CNTNAP5: variants seen among roughly 807,000 people sequenced by gnomAD.
The protein encoded by CNTNAP5 is contactin-associated protein-like 5.
A neutral mutation model predicts 150.2 loss-of-function variants in CNTNAP5; 72 were observed. The ratio of observed to expected loss-of-function variants is 0.48; its 90% CI spans 0.40 to 0.58. The LOEUF is 0.58. Ranked by LOEUF, CNTNAP5 falls within the 20% of genes least tolerant of loss-of-function variation. The pLI, the probability that CNTNAP5 is intolerant of heterozygous loss-of-function variation, is 0.00. For synonymous variants in CNTNAP5, 672 were observed against 619.8 expected (o/e 1.08, Z -1.25); for missense variants, 1,636 against 1,626.2 (o/e 1.01, Z -0.10).
At chr2:124,673,686 C>T (rs994361233) in intron 13 of CNTNAP5, among the ~76,000 whole-genome samples, 5 of 150,484 alleles carry the variant, frequency 3.3e-5, no homozygotes, top group African/African-American at 9.8e-5. Context: ...TTAATAATCA[C>T]GTATTATTTT....
At position 124,919,222 on chromosome 2, in the gene CNTNAP5, G is replaced by T. The variant is rs1289706320; in HGVS notation, c.*4934G>T. ...CATACATATCTGTTTGGTAGGGAGA[G>T]AAGCATTCCTCTTTTATGTTGACAA... On this transcript the variant is annotated 3_prime_UTR_variant, in exon 24 of 24. Coordinates refer to ENST00000682447, the MANE Select transcript of CNTNAP5 (RefSeq NM_001367498.1). Among the ~76,000 whole-genome samples, 1 of 152,064 alleles carries T rather than the reference G, an allele frequency of 6.6e-6. No individual in the cohort carries two copies. Among genetic ancestry groups the T allele is most frequent in the Non-Finnish European group, 1.5e-5 (1 of 68,012 alleles).
chr2:124,560,148 G>A (rs1038725163), intron 10 of CNTNAP5, among the ~76,000 whole-genome samples: 5 of 152,102 alleles, frequency 3.3e-5, no homozygotes, highest in African/African-American at 9.7e-5. Flanking sequence ...ATATTTCTTA[G>A]AGCTTTCCCC....
intron 3 of CNTNAP5, among the ~76,000 whole-genome samples, chr2:124,413,571 G>A (rs2104772775): frequency 7.4e-6 from 1 of 134,270 alleles, no homozygotes; most frequent in Middle Eastern, 3.5e-3. Context: ...ATGAGTTCAT[G>A]TCCTTTGTAG....
intron 6 of CNTNAP5, among the ~76,000 whole-genome samples, chr2:124,458,661 C>A (rs1693178081): frequency 6.6e-6 from 1 of 151,720 alleles, no homozygotes; most frequent in Non-Finnish European, 1.5e-5. Flanking sequence ...TCCCCAATAA[C>A]CTATGGAAAT....
chr2:124,367,957 A>T (rs1456461796), intron 3 of CNTNAP5, among the ~76,000 whole-genome samples: 1 of 152,174 alleles, frequency 6.6e-6, no homozygotes, highest in East Asian at 1.9e-4. Flanking sequence ...TATGTTGCAC[A>T]TGTGTGATGT....
At chr2:124,115,605 T>TA (rs1683408399) in intron 1 of CNTNAP5, among the ~76,000 whole-genome samples, 1 of 150,698 alleles carries the variant, frequency 6.6e-6, no homozygotes, top group African/African-American at 2.4e-5. Context: ...TTCTCTTCTG[T>TA]AAAACCAAGA....
rs116089251 is a variant in CNTNAP5, at chr2:124,891,824, C to T, written c.3437-11058C>T. Among the ~76,000 whole-genome samples the T allele has an allele frequency of 5.9e-3, 900 of 152,216 alleles. 14 individuals are homozygous for T. Among genetic ancestry groups the T allele is most frequent in the African/African-American group, 0.021 (858 of 41,558 alleles). On this transcript the variant is annotated intron_variant, in intron 21 of 23. Coordinates refer to ENST00000682447, the MANE Select transcript of CNTNAP5 (RefSeq NM_001367498.1). ...AGGAAGTAATATTCCCAATTAGAAACAGTACATTTCCTAGCCTCCATTGAG... is the reference window on the plus strand; with the variant it reads ...AGGAAGTAATATTCCCAATTAGAAATAGTACATTTCCTAGCCTCCATTGAG...
intron 1 of CNTNAP5, among the ~76,000 whole-genome samples, chr2:124,082,710 T>TAG (rs1682588002): frequency 1.3e-5 from 2 of 152,218 alleles, no homozygotes; most frequent in Non-Finnish European, 2.9e-5. Flanking sequence ...CATGTATACT[T>TAG]TTTAAATAAT....
intron 3 of CNTNAP5, among the ~76,000 whole-genome samples, chr2:124,270,772 T>C (rs1038111645): frequency 2.0e-5 from 3 of 151,958 alleles, no homozygotes; most frequent in Admixed American, 1.3e-4. Context: ...AAAAAAGTCA[T>C]GTCAAATAAT....
At chr2:124,500,265 C>T (rs1694246382) in intron 7 of CNTNAP5, among the ~76,000 whole-genome samples, 1 of 152,074 alleles carries the variant, frequency 6.6e-6, no homozygotes, top group African/African-American at 2.4e-5. Flanking sequence ...CAAGGAAAGA[C>T]TGTAGTGGGT....
At chr2:124,043,656 T>G (rs1681449730) in intron 1 of CNTNAP5, among the ~76,000 whole-genome samples, 1 of 152,216 alleles carries the variant, frequency 6.6e-6, no homozygotes, top group Non-Finnish European at 1.5e-5. Context: ...TCCTGATTTG[T>G]GCTTACCAAC....
intron 3 of CNTNAP5, among the ~76,000 whole-genome samples, chr2:124,412,815 C>T (rs1691807159): frequency 1.0e-5 from 1 of 96,458 alleles, no homozygotes; most frequent in South Asian, 4.4e-4. Flanking sequence ...AGGACATAGG[C>T]ATGGGCAAGG....
At chr2:124,411,255 G>A (rs1305534178) in intron 3 of CNTNAP5, among the ~76,000 whole-genome samples, 2 of 152,054 alleles carry the variant, frequency 1.3e-5, no homozygotes, top group South Asian at 4.1e-4. Flanking sequence ...CAACCAAAAA[G>A]AGTCCAGGAC....
intron 5 of CNTNAP5, among the ~76,000 whole-genome samples, chr2:124,445,717 G>C (rs186680134): frequency 1.3e-5 from 2 of 152,312 alleles, no homozygotes; most frequent in East Asian, 1.9e-4. Flanking sequence ...GGCTGCTGCA[G>C]CTGTACTGGA....
At chr2:124,806,879 A>G (rs2104651811) in intron 19 of CNTNAP5, among the ~76,000 whole-genome samples, 1 of 152,058 alleles carries the variant, frequency 6.6e-6, no homozygotes, top group South Asian at 2.1e-4. Context: ...AAAACAGACC[A>G]AAGAACAGGC....
chr2:124,644,230 C>T (rs1468718533), intron 12 of CNTNAP5, among the ~76,000 whole-genome samples: 2 of 152,178 alleles, frequency 1.3e-5, no homozygotes, highest in African/African-American at 4.8e-5. Context: ...CTCAAACCAC[C>T]CTTCCCTAGC....
At chr2:124,728,786 A>T (rs1337961018) in intron 13 of CNTNAP5, among the ~76,000 whole-genome samples, 1 of 152,050 alleles carries the variant, frequency 6.6e-6, no homozygotes, top group Non-Finnish European at 1.5e-5. Flanking sequence ...TTTCTGAATG[A>T]CACTATTCTA....
In CNTNAP5 at chr2:124,845,132, A is replaced by C. The variant is rs1683022299; in HGVS notation, c.3218-20174A>C. On this transcript the variant is annotated intron_variant, in intron 19 of 23. Transcript: ENST00000682447. ...TGTGGCTTTGTCATAGATGGCTTTT[A>C]TTATGTAAAGGTATGTCTCCTTTAT... Among the ~76,000 whole-genome samples the C allele has an allele frequency of 3.9e-5, 6 of 151,986 alleles. No individual in the cohort carries two copies. In the South Asian group the frequency reaches 1.2e-3, roughly 32 times the overall value.
chr2:124,361,120 A>C (rs1381997168), intron 3 of CNTNAP5, among the ~76,000 whole-genome samples: 2 of 146,978 alleles, frequency 1.4e-5, no homozygotes, highest in Non-Finnish European at 3.0e-5. Flanking sequence ...AGGCTTCTGC[A>C]TTCTTCATGT....
Sources: allele counts gnomAD v4.1 joint callset (sites outside exome capture counted in the v4.1 genomes callset), GRCh38; gene constraint gnomAD v4.1.1; transcripts MANE v1.5; gene names NCBI Gene and HGNC (gene_info 2026-07-23, HGNC 2026-07-21).